Variants in BRK1 observed in about 807,000 individuals in gnomAD.
BRK1 encodes BRICK1 subunit of SCAR/WAVE actin nucleating complex, also known as protein BRICK1.
In BRK1, 6 loss-of-function variants were observed where a neutral mutation model predicts 9.9. The observed-to-expected ratio is 0.60, with a 90% CI of 0.33 to 1.19. BRK1 has a LOEUF of 1.19. Ranked by LOEUF, BRK1 falls within the 50% of genes most tolerant of loss-of-function variation. The probability of loss-of-function intolerance (pLI) is 0.04; values close to 1 mark genes in which losing one functional copy is unlikely to be tolerated. For missense variants in BRK1, 62 were observed against 97.5 expected, an observed-to-expected ratio of 0.64 and a Z score of 1.53; for synonymous variants, 44 against 31.9, an observed-to-expected ratio of 1.38 and a Z score of -1.28.
At chr3:10,116,623 C>A (rs534237455) in intron 1 of BRK1, among the ~76,000 whole-genome samples, 1 of 152,116 alleles carries the variant, frequency 6.6e-6, no homozygotes, top group Non-Finnish European at 1.5e-5. Flanking sequence ...TTTAACAGAA[C>A]TTGGCACTGG....
intron 2 of BRK1, 67 bp from the exon 3 acceptor site, chr3:10,126,202 A>ATT: frequency 1.7e-6 from 2 of 1,190,546 alleles, no homozygotes; most frequent in Non-Finnish European, 1.1e-6. Context: ...GGATCTAAAG[A>ATT]TTTTTTTTTA....
chr3:10,125,805 C>G (rs1447314256), intron 2 of BRK1, 97 bp downstream of exon 2: 1 of 891,184 alleles, frequency 1.1e-6, no homozygotes, highest in African/African-American at 1.7e-5. Flanking sequence ...GAAACTTAAG[C>G]ACTGGCCGGA....
Position 10,123,732 on chromosome 3 carries a change from C to CTTTTTTTTTTTTTTTT in BRK1, c.119-1888_119-1873dup, listed in dbSNP as rs71626962. On this transcript the variant is annotated intron_variant, in intron 1 of 2. Transcript: ENST00000530758. ...ACAGGCCTGAGCCACCGTGCCTGGC[C>CTTTTTTTTTTTTTTTT]TTTTTTTTTTTTTTTTTTTTTGAGA... is the stretch of plus-strand genomic sequence containing the variant. Among the ~76,000 whole-genome samples the CTTTTTTTTTTTTTTTT allele has an allele frequency of 1.2e-4, 6 of 48,694 alleles. 1 individual carries two copies. Among genetic ancestry groups the CTTTTTTTTTTTTTTTT allele is most frequent in the African/African-American group, 7.5e-4 (5 of 6,698 alleles). The allele number at this position is 48,694 out of a possible 152,430, so 31.9% of individuals were successfully genotyped here. A position where few individuals can be genotyped will look rare whatever the true frequency, so the allele number is the denominator to read the frequency against.
At chr3:10,123,434 T>C (rs1276590077) in intron 1 of BRK1, among the ~76,000 whole-genome samples, 1 of 146,920 alleles carries the variant, frequency 6.8e-6, no homozygotes, top group Non-Finnish European at 1.5e-5. Flanking sequence ...CTCTACTTTC[T>C]TTCCTTTTTT....
chr3:10,121,942 T>G (rs1695762687), intron 1 of BRK1, among the ~76,000 whole-genome samples: 1 of 143,182 alleles, frequency 7.0e-6, no homozygotes, highest in South Asian at 2.2e-4. Context: ...CAGGCTGGAG[T>G]GCAGTGGTGC....
chr3:10,123,140 G>T (rs1026460415), intron 1 of BRK1, among the ~76,000 whole-genome samples: 9 of 152,196 alleles, frequency 5.9e-5, no homozygotes, highest in African/African-American at 2.2e-4. Flanking sequence ...GTTGGAAAAA[G>T]AATAGTTCCT....
At chr3:10,121,423 G>A (rs1695754412) in intron 1 of BRK1, among the ~76,000 whole-genome samples, 1 of 152,118 alleles carries the variant, frequency 6.6e-6, no homozygotes, top group Non-Finnish European at 1.5e-5. Context: ...ACACAGTATG[G>A]GAAAGAATAC....
At chr3:10,121,417 A>G (rs1032545663) in intron 1 of BRK1, among the ~76,000 whole-genome samples, 1 of 152,198 alleles carries the variant, frequency 6.6e-6, no homozygotes, top group African/African-American at 2.4e-5. Flanking sequence ...GGATGCACAC[A>G]GTATGGGAAA....
rs1388087014 is a variant in BRK1 at position 10,126,251 on chromosome 3, T to G, written c.202-18T>G. On this transcript the variant is annotated intron_variant, in intron 2 of 2. Coordinates refer to ENST00000530758, the MANE Select transcript of BRK1 (RefSeq NM_018462.5). ...TTTTTTAATTTATCTAAATGTCAGTTTTCCTTTCCTTTCACAGGTGACAAA... is the reference window on the plus strand; with the variant it reads ...TTTTTTAATTTATCTAAATGTCAGTGTTCCTTTCCTTTCACAGGTGACAAA... The G allele has an allele frequency of 1.3e-6, 2 of 1,514,100 alleles. No homozygotes were observed. Among genetic ancestry groups the G allele is most frequent in the Non-Finnish European group, 1.8e-6 (2 of 1,136,404 alleles). 93.8% of individuals were successfully genotyped at this position (1,514,100 alleles called of 1,614,324 possible). A position where few individuals can be genotyped will look rare whatever the true frequency, so the allele number is the denominator to read the frequency against.
chr3:10,122,613 C>T (rs1264828431), intron 1 of BRK1, among the ~76,000 whole-genome samples: 1 of 151,926 alleles, frequency 6.6e-6, no homozygotes, highest in Admixed American at 6.6e-5. Context: ...TGCAGCTACT[C>T]GGGAGGCTGA....
At chr3:10,121,882 C>CTTTTTTT (rs911888155) in intron 1 of BRK1, among the ~76,000 whole-genome samples, 4 of 88,136 alleles carry the variant, frequency 4.5e-5, no homozygotes, top group African/African-American at 4.6e-5. Context: ...CACCCGGCCA[C>CTTTTTTT]TTTTTTTTTT....
chr3:10,125,336 C>T (rs1293584116), intron 1 of BRK1, among the ~76,000 whole-genome samples: 1 of 152,106 alleles, frequency 6.6e-6, no homozygotes, highest in Admixed American at 6.6e-5. Context: ...AACTCTTGAC[C>T]TCAGGTGATC....
chr3:10,124,579 C>G (rs942952710), intron 1 of BRK1, among the ~76,000 whole-genome samples: 5 of 152,100 alleles, frequency 3.3e-5, no homozygotes, highest in African/African-American at 4.8e-5. Flanking sequence ...AATCTTCACA[C>G]CTTGGCCAGC....
chr3:10,123,526 C>T (rs953025836), intron 1 of BRK1, among the ~76,000 whole-genome samples: 5 of 150,810 alleles, frequency 3.3e-5, no homozygotes, highest in Admixed American at 2.0e-4. Context: ...ACCTCCATCT[C>T]CCGGGTTCAA....
At chr3:10,117,489 A>G (rs1048291762) in intron 1 of BRK1, among the ~76,000 whole-genome samples, 2 of 144,972 alleles carry the variant, frequency 1.4e-5, no homozygotes, top group Admixed American at 1.5e-4. Flanking sequence ...TTCCTCCTGG[A>G]TTCAAATGAT....
At chr3:10,118,736 G>T (rs545584878) in intron 1 of BRK1, among the ~76,000 whole-genome samples, 2 of 151,982 alleles carry the variant, frequency 1.3e-5, no homozygotes, top group Non-Finnish European at 2.9e-5. Context: ...ATCCACCTCT[G>T]TTCAACCTCC....
chr3:10,116,920 A>G (rs1455611106), intron 1 of BRK1, among the ~76,000 whole-genome samples: 1 of 152,216 alleles, frequency 6.6e-6, no homozygotes, highest in Non-Finnish European at 1.5e-5. Flanking sequence ...TCATTTTTGT[A>G]TTAAAGTATT....
intron 1 of BRK1, among the ~76,000 whole-genome samples, chr3:10,124,158 AC>A (rs1201224039): frequency 4.6e-5 from 7 of 152,044 alleles, no homozygotes; most frequent in African/African-American, 1.7e-4. Flanking sequence ...TCCTGGCATA[AC>A]ATATTACCAC....
intron 2 of BRK1, among the ~76,000 whole-genome samples, 156 bp downstream of exon 2, chr3:10,125,864 G>T (rs1230017568): frequency 1.3e-5 from 2 of 152,168 alleles, no homozygotes; most frequent in Non-Finnish European, 2.9e-5. Flanking sequence ...GCCAAGACAG[G>T]TGGATCACTT....
Sources: allele counts gnomAD v4.1 joint callset (sites outside exome capture counted in the v4.1 genomes callset), GRCh38; gene constraint gnomAD v4.1.1; transcripts MANE v1.5; gene names NCBI Gene and HGNC (gene_info 2026-07-23, HGNC 2026-07-21).